SIPA1L3: variants seen among roughly 807,000 people sequenced by gnomAD.
SIPA1L3 encodes signal-induced proliferation-associated 1-like protein 3.
Under a neutral mutation model 150.1 loss-of-function variants are expected in SIPA1L3, and 59 were observed. The ratio of observed to expected loss-of-function variants is 0.39; its 90% confidence interval spans 0.32 to 0.49. SIPA1L3 has a LOEUF of 0.49. SIPA1L3 is among the 20% of genes least tolerant of loss of function. The probability of loss-of-function intolerance (pLI) is 0.86; values close to 1 mark genes in which losing one functional copy is unlikely to be tolerated. For synonymous variants in SIPA1L3, 1,070 were observed against 1,077.6 expected (o/e 0.99, Z 0.14); for missense variants, 2,211 against 2,489.5 (o/e 0.89, Z 2.38).
intron 1 of SIPA1L3, among the ~76,000 whole-genome samples, chr19:37,952,726 A>T (rs1361695652): frequency 6.6e-6 from 1 of 152,254 alleles, no homozygotes; most frequent in Non-Finnish European, 1.5e-5. Flanking sequence ...AATGATTTGT[A>T]TGAATCAGAT....
intron 2 of SIPA1L3, among the ~76,000 whole-genome samples, chr19:38,035,543 G>T (rs8110656): frequency 0.11 from 16,996 of 152,172 alleles, 1,391 homozygotes; most frequent in African/African-American, 0.22. Context: ...CAGCTTTCCG[G>T]AATCCAGCTG....
intron 15 of SIPA1L3, among the ~76,000 whole-genome samples, chr19:38,171,008 C>T (rs1006431786): frequency 4.0e-5 from 6 of 151,690 alleles, no homozygotes; most frequent in Non-Finnish European, 7.4e-5. Flanking sequence ...ATGTTGTGAA[C>T]CTCAGTATGT....
At chr19:37,912,381 C>G (rs574282464) in intron 1 of SIPA1L3, among the ~76,000 whole-genome samples, 88 of 152,288 alleles carry the variant, frequency 5.8e-4, no homozygotes, top group Middle Eastern at 3.4e-3. Flanking sequence ...AATCATGTGT[C>G]CTTCTGAGCC....
chr19:37,940,310 C>G (rs1038388967), intron 1 of SIPA1L3, among the ~76,000 whole-genome samples: 1 of 146,944 alleles, frequency 6.8e-6, no homozygotes, highest in African/African-American at 2.5e-5. Flanking sequence ...AAAAAAAAAA[C>G]AAAAAAAAAG....
chr19:38,130,356 G>A, intron 9 of SIPA1L3, 142 bp from the exon 10 acceptor site: 1 of 821,906 alleles, frequency 1.2e-6, no homozygotes, highest in Non-Finnish European at 1.9e-6. Context: ...TCCCCCTGCG[G>A]GTCCCCTGCC....
At chr19:38,080,348 G>T (rs1288826073) in intron 2 of SIPA1L3, among the ~76,000 whole-genome samples, 1 of 152,290 alleles carries the variant, frequency 6.6e-6, no homozygotes, top group South Asian at 2.1e-4. Flanking sequence ...ATGTTAAGTG[G>T]CACCTCAGGG....
At chr19:38,127,009 A>G (rs1161729346) in intron 9 of SIPA1L3, among the ~76,000 whole-genome samples, 1 of 152,010 alleles carries the variant, frequency 6.6e-6, no homozygotes, top group Non-Finnish European at 1.5e-5. Context: ...CCTGACCGAC[A>G]TGGAGAAACC....
rs565493777 is a variant in SIPA1L3 at position 37,978,944 on chromosome 19, C to G, written c.-378-50145C>G. On this transcript the variant is annotated intron_variant, in intron 1 of 21. Transcript: ENST00000222345. ...TGAGCTGTGATCGCACCACTGCACT[C>G]CAGCCTGGGTGACAGAGACCCCGTC... Among the ~76,000 whole-genome samples the G allele has an allele frequency of 1.2e-4, 19 of 152,230 alleles. 1 individual carries two copies. In the South Asian group the frequency reaches 1.5e-3, roughly 12 times the overall value.
intron 10 of SIPA1L3, among the ~76,000 whole-genome samples, chr19:38,131,333 G>A (rs1411375426): frequency 6.6e-6 from 1 of 152,206 alleles, no homozygotes; most frequent in Admixed American, 6.5e-5. Context: ...GGGCAGAGAA[G>A]GCTCCACGAG....
chr19:37,990,167 C>T (rs1454019568), intron 1 of SIPA1L3, among the ~76,000 whole-genome samples: 2 of 152,046 alleles, frequency 1.3e-5, no homozygotes, highest in Non-Finnish European at 2.9e-5. Context: ...GCTCAACCAC[C>T]CTGGAAGAAT....
intron 1 of SIPA1L3, among the ~76,000 whole-genome samples, chr19:37,954,336 A>G (rs562997831): frequency 4.2e-4 from 64 of 152,314 alleles, no homozygotes; most frequent in African/African-American, 1.5e-3. Flanking sequence ...AGGGAAAGAC[A>G]GGCAAGTCTG....
intron 1 of SIPA1L3, among the ~76,000 whole-genome samples, chr19:37,985,881 C>T (rs1675513350): frequency 6.6e-6 from 1 of 152,214 alleles, no homozygotes; most frequent in Admixed American, 6.5e-5. Flanking sequence ...ACCCTTCGCC[C>T]CTTGGGTGGA....
At chr19:38,141,621 C>T (rs1428924104) in intron 11 of SIPA1L3, among the ~76,000 whole-genome samples, 186 bp downstream of exon 11, 1 of 152,054 alleles carries the variant, frequency 6.6e-6, no homozygotes, top group Non-Finnish European at 1.5e-5. Flanking sequence ...CCGTTGGCCT[C>T]TTGTCTGGGG....
chr19:37,922,689 G>A (rs915324053), intron 1 of SIPA1L3, among the ~76,000 whole-genome samples: 5 of 151,130 alleles, frequency 3.3e-5, no homozygotes, highest in Middle Eastern at 3.2e-3. Flanking sequence ...CACTGAGCCC[G>A]GCCTTGATTT....
chr19:38,135,772 TTTG>T (rs1350548284), intron 10 of SIPA1L3, among the ~76,000 whole-genome samples: 3 of 151,994 alleles, frequency 2.0e-5, no homozygotes, highest in African/African-American at 2.4e-5. Context: ...TTGGGTGGTT[TTTG>T]TTGTTCTTCA....
intron 1 of SIPA1L3, among the ~76,000 whole-genome samples, chr19:37,990,363 A>G (rs1967472575): frequency 6.6e-6 from 1 of 152,142 alleles, no homozygotes; most frequent in Non-Finnish European, 1.5e-5. Flanking sequence ...GGCCTCTTGC[A>G]TGTTGGGCAC....
At chr19:38,135,991 G>GA (rs1212366740) in intron 10 of SIPA1L3, among the ~76,000 whole-genome samples, 1 of 151,922 alleles carries the variant, frequency 6.6e-6, no homozygotes, top group Non-Finnish European at 1.5e-5. Context: ...ACACCGAGGA[G>GA]AATGCATGGG....
chr19:38,048,424 GGAGA>G (rs1309743783), intron 2 of SIPA1L3, among the ~76,000 whole-genome samples: 1 of 152,092 alleles, frequency 6.6e-6, no homozygotes, highest in Non-Finnish European at 1.5e-5. Context: ...ACAGGCATCA[GGAGA>G]GAGAGAACAC....
rs992568901 is a variant in SIPA1L3, at chr19:38,164,080, A to G, written c.3781-399A>G. ...AGCAGGGTTTGCTAGTGGGCTGGAC[A>G]TGAGTGAGAGCAAAAGCGGGGTCAA... On this transcript the variant is annotated intron_variant, in intron 14 of 21. Coordinates refer to ENST00000222345, the MANE Select transcript of SIPA1L3 (RefSeq NM_015073.3). This position sits in a 1 kb window ranked among gnomAD's most constrained non-coding sequence, Gnocchi z 4.1. Among the ~76,000 whole-genome samples the G allele has an allele frequency of 2.0e-5, 3 of 152,280 alleles. No individual in the cohort carries two copies. Among genetic ancestry groups the G allele is most frequent in the African/African-American group, 4.8e-5 (2 of 41,560 alleles).
Sources: allele counts gnomAD v4.1 joint callset (sites outside exome capture counted in the v4.1 genomes callset), GRCh38; gene constraint gnomAD v4.1.1; non-coding constraint Gnocchi (gnomAD v3.1); transcripts MANE v1.5; gene names NCBI Gene and HGNC (gene_info 2026-07-23, HGNC 2026-07-21).